FBXL13: variants seen among roughly 807,000 people sequenced by gnomAD.
The protein encoded by FBXL13 is F-box and leucine rich repeat protein 13.
FBXL13 carries 67 observed loss-of-function variants against 83.6 expected under a neutral mutation model. The ratio of observed to expected loss-of-function variants is 0.80; its 90% CI spans 0.66 to 0.98. The LOEUF (loss-of-function observed/expected upper bound fraction) is 0.98. Ranked by LOEUF, FBXL13 falls within the 50% of genes least tolerant of loss-of-function variation. FBXL13 has a pLI of 0.00. For missense variants in FBXL13, 822 were observed against 866.5 expected (o/e 0.95, Z 0.64); for synonymous variants, 272 against 299.5 (o/e 0.91, Z 0.95).
chr7:102,893,459 A>G, intron 11 of FBXL13, among the ~76,000 whole-genome samples: 1 of 152,202 alleles, frequency 6.6e-6, no homozygotes, highest in East Asian at 1.9e-4. Context: ...AATAGATCCC[A>G]GGTCTCCTAA....
chr7:102,879,903 T>C (rs1409040706), intron 14 of FBXL13, among the ~76,000 whole-genome samples: 1 of 152,156 alleles, frequency 6.6e-6, no homozygotes, highest in Non-Finnish European at 1.5e-5. Context: ...AGACGGGGTT[T>C]CACCATGTTA....
At chr7:103,020,753 A>G (rs1793061696) in intron 6 of FBXL13, among the ~76,000 whole-genome samples, 1 of 152,222 alleles carries the variant, frequency 6.6e-6, no homozygotes, top group African/African-American at 2.4e-5. Flanking sequence ...AGAGAATAAA[A>G]TACCTAGGAA....
intron 9 of FBXL13, among the ~76,000 whole-genome samples, chr7:102,929,968 C>T (rs1010220829): frequency 2.6e-5 from 4 of 151,616 alleles, no homozygotes; most frequent in Admixed American, 6.6e-5. Context: ...TGGAAAGACC[C>T]GATAGCATTG....
intron 11 of FBXL13, among the ~76,000 whole-genome samples, chr7:102,900,984 C>G (rs1584845883): frequency 6.6e-6 from 1 of 152,190 alleles, no homozygotes; most frequent in Non-Finnish European, 1.5e-5. Context: ...CTTACTGAGG[C>G]CAGGCAGGCA....
chr7:102,903,737 T>C (rs1813275228), intron 11 of FBXL13, among the ~76,000 whole-genome samples: 1 of 152,118 alleles, frequency 6.6e-6, no homozygotes, highest in South Asian at 2.1e-4. Context: ...ATATGGTTTT[T>C]ATCCTTCATT....
chr7:102,849,516 G>A (rs570693138), intron 17 of FBXL13, among the ~76,000 whole-genome samples: 1 of 152,264 alleles, frequency 6.6e-6, no homozygotes, highest in African/African-American at 2.4e-5. Context: ...AATGTCTTGT[G>A]CTAAAAACAG....
At chr7:103,042,016 GAA>G (rs1202019681) in intron 2 of FBXL13, among the ~76,000 whole-genome samples, 1 of 152,094 alleles carries the variant, frequency 6.6e-6, no homozygotes, top group Non-Finnish European at 1.5e-5. Flanking sequence ...ATTCAATTAG[GAA>G]AAGAGGAAGT....
At chr7:102,816,455 G>A (rs766816408) in intron 19 of FBXL13, among the ~76,000 whole-genome samples, 21 of 152,226 alleles carry the variant, frequency 1.4e-4, no homozygotes, top group South Asian at 6.2e-4. Flanking sequence ...ATCCTTAGCC[G>A]TGACTAGCTG....
At chr7:102,854,088 G>T (rs60012542) in intron 17 of FBXL13, among the ~76,000 whole-genome samples, 2 of 151,620 alleles carry the variant, frequency 1.3e-5, no homozygotes, top group Non-Finnish European at 2.9e-5. Context: ...TTATTGTGGC[G>T]CTATTCACAA....
At chr7:102,895,615 C>A (rs1812157129) in intron 11 of FBXL13, among the ~76,000 whole-genome samples, 1 of 152,138 alleles carries the variant, frequency 6.6e-6, no homozygotes. Flanking sequence ...GGGCCATAAC[C>A]CATCGTTGCA....
chr7:102,970,401 T>C (rs949834558), intron 6 of FBXL13, among the ~76,000 whole-genome samples: 2 of 152,328 alleles, frequency 1.3e-5, no homozygotes, highest in South Asian at 4.1e-4. Flanking sequence ...CCAGCGATTA[T>C]GTGTGTTGGG....
At chr7:103,009,756 C>T (rs879915587) in intron 6 of FBXL13, among the ~76,000 whole-genome samples, 37 of 152,272 alleles carry the variant, frequency 2.4e-4, no homozygotes, top group Non-Finnish European at 4.9e-4. Context: ...CCTGCTTCAG[C>T]CCTTAATGAG....
At chr7:102,949,393 T>G (rs1353024554) in intron 8 of FBXL13, among the ~76,000 whole-genome samples, 2 of 152,160 alleles carry the variant, frequency 1.3e-5, no homozygotes, top group Non-Finnish European at 2.9e-5. Flanking sequence ...TAGTACATGT[T>G]AGTTATTTTT....
chr7:102,855,831 G>A (rs939555098), intron 16 of FBXL13, among the ~76,000 whole-genome samples: 1 of 148,080 alleles, frequency 6.8e-6, no homozygotes, highest in African/African-American at 2.5e-5. Flanking sequence ...ATTATATCTT[G>A]TTTTTTTTGT....
At chr7:102,877,533 A>G in exon 16 of FBXL13, 1 of 1,611,482 alleles carries the variant, frequency 6.2e-7, no homozygotes, top group South Asian at 1.1e-5. Context: ...CAATATATCC[A>G]ATTCCTTGGG....
intron 10 of FBXL13, among the ~76,000 whole-genome samples, chr7:102,919,607 G>C (rs1816592395): frequency 6.6e-6 from 1 of 151,886 alleles, no homozygotes; most frequent in African/African-American, 2.4e-5. Context: ...ACCAACAAAG[G>C]AACAAAAAAT....
At chr7:102,879,952 C>T (rs1256024676) in intron 14 of FBXL13, among the ~76,000 whole-genome samples, 1 of 152,340 alleles carries the variant, frequency 6.6e-6, no homozygotes, top group Non-Finnish European at 1.5e-5. Context: ...GTGATCCGCC[C>T]ACCTGGGCCT....
chr7:103,063,640 T>C (rs1019261850), intron 1 of FBXL13, among the ~76,000 whole-genome samples: 6 of 151,494 alleles, frequency 4.0e-5, no homozygotes, highest in African/African-American at 1.5e-4. Context: ...TAAAGAAAAC[T>C]GAAGCAGAGA....
At chr7:103,019,533 G>A (rs558899168) in intron 6 of FBXL13, among the ~76,000 whole-genome samples, 2 of 152,268 alleles carry the variant, frequency 1.3e-5, no homozygotes, top group Admixed American at 6.5e-5. Context: ...ATGAATCCAG[G>A]AGCTGGTTTT....
Sources: allele counts gnomAD v4.1 joint callset (sites outside exome capture counted in the v4.1 genomes callset), GRCh38; gene constraint gnomAD v4.1.1; transcripts MANE v1.5; gene names NCBI Gene and HGNC (gene_info 2026-07-23, HGNC 2026-07-21).